The following TUBB4A variants were observed in gnomAD, a reference collection of about 807,000 sequenced individuals.
The protein encoded by TUBB4A is tubulin beta 4A class IVa.
Under a neutral mutation model 35.1 loss-of-function variants are expected in TUBB4A, and 13 were observed. That is an observed-to-expected ratio of 0.37 (90% CI 0.24 to 0.59). TUBB4A has a LOEUF of 0.59. Among genes scored for constraint, TUBB4A ranks in the 20% least tolerant of loss-of-function variants. The pLI is 0.71. For synonymous variants in TUBB4A, 279 were observed against 272.4 expected (o/e 1.02, Z -0.24); for missense variants, 299 against 647.2 (o/e 0.46, Z 5.84).
rs774284850 is a variant in TUBB4A, at chr19:6,502,274, G to A, written c.-62C>T. 827 of 1,461,064 alleles carry A rather than the reference G, an allele frequency of 5.7e-4. 11 individuals are homozygous for A. Among genetic ancestry groups the A allele is most frequent in the Non-Finnish European group, 1.1e-4 (122 of 1,112,888 alleles). 90.5% of individuals were successfully genotyped at this position (1,461,064 alleles called of 1,614,324 possible). A position where few individuals can be genotyped will look rare whatever the true frequency, so the allele number is the denominator to read the frequency against. ...ACGAGCGCGGGGAGCTGCGGCGGCG[G>A]CGAGGGTGGAAGATGCGGCGGAGAC... On this transcript the variant is annotated 5_prime_UTR_variant, in exon 1 of 4. Coordinates refer to ENST00000264071, the MANE Select transcript of TUBB4A (RefSeq NM_006087.4).
rs146906606 is a variant in TUBB4A at position 6,495,833 on chromosome 19, G to A, written c.666C>T (p.Tyr222=). 5.0e-5 allele frequency: 81 copies of A among 1,614,236 alleles called. No individual in the cohort carries two copies. The highest frequency in any genetic ancestry group is 6.4e-5 in the Non-Finnish European group (75 of 1,180,032). The part of the protein sequence containing the change: ...FRTLKLTTPT[Y]GDLNHLVSAT... ...CCGACACCAGGTGGTTGAGGTCCCC[G>A]TAGGTGGGGGTGGTCAGCTTGAGGG... The change falls in exon 4 of 4, where the codon TAC becomes TAT. Residue 222 remains tyrosine (Y), a synonymous_variant. Transcript: ENST00000264071. This position sits in a 1 kb window ranked among gnomAD's most constrained non-coding sequence, Gnocchi z 8.7.
At chr19:6,499,415 T>C (rs780682088) in intron 3 of TUBB4A, among the ~76,000 whole-genome samples, 61 of 152,092 alleles carry the variant, frequency 4.0e-4, no homozygotes, top group Non-Finnish European at 7.1e-4. Flanking sequence ...TGTGCCTCTG[T>C]TTTCTCACCT....
At chr19:6,496,257 A>T in intron 3 of TUBB4A, 36 bp from the exon 4 acceptor site, 1 of 1,570,154 alleles carries the variant, frequency 6.4e-7, no homozygotes, top group Non-Finnish European at 8.7e-7. Context: ...ACATGCAGTT[A>T]TGGGGAGCCC....
In TUBB4A at chr19:6,495,475, C is replaced by T. The variant is rs754036226; in HGVS notation, c.1024G>A (p.Val342Met). 5.0e-6 allele frequency: 8 copies of T among 1,614,216 alleles called. No individual in the cohort carries two copies. Among genetic ancestry groups the T allele is most frequent in the South Asian group, 1.1e-5 (1 of 91,090 alleles). ...SVQSKNSSYF[V>M]EWIPNNVKTA... ...TTCACGTTGTTGGGGATCCACTCCA[C>T]GAAGTAGCTGCTGTTCTTGCTCTGC... Residue 342 changes from valine to methionine, a missense_variant, in exon 4 of 4, where the codon GTG becomes ATG. Physicochemically the swap from Val to Met is conservative, Grantham distance 21. Coordinates refer to ENST00000264071, the MANE Select transcript of TUBB4A (RefSeq NM_006087.4). The surrounding 1 kb of genome is among the most constrained non-coding windows in gnomAD (Gnocchi z 8.7).
Position 6,501,480 on chromosome 19 carries a change from C to T in TUBB4A, c.166+35G>A, listed in dbSNP as rs1371227859. ...TAGCATCCTGTTCCCTCCCAGCTGC[C>T]CCTTCCCACCTGGAAGGTGCCTCCT... On this transcript the variant is annotated intron_variant, in intron 2 of 3. Transcript: ENST00000264071. The surrounding 1 kb of genome is among the most constrained non-coding windows in gnomAD (Gnocchi z 4.2). The T allele has an allele frequency of 1.2e-6, 2 of 1,604,654 alleles. No homozygotes were observed. Among genetic ancestry groups the T allele is most frequent in the Admixed American group, 1.7e-5 (1 of 59,686 alleles).
chr19:6,495,737 G>T lies in TUBB4A; in HGVS notation c.762C>A (p.Ala254=), dbSNP rs376346277. The T allele has an allele frequency of 1.9e-6, 3 of 1,614,012 alleles. No individual in the cohort carries two copies. ...GQLNADLRKL[A]VNMVPFPRLH... is the part of the protein sequence containing the mutation. The stretch of plus-strand genomic sequence containing the variant: ...GGCGAGGAAAGGGAACCATGTTGAC[G>T]GCCAGCTTGCGCAGGTCGGCGTTCA... The change falls in exon 4 of 4, where the codon GCC becomes GCA. Residue 254 remains alanine, a synonymous_variant. Transcript: ENST00000264071. This position sits in a 1 kb window ranked among gnomAD's most constrained non-coding sequence, Gnocchi z 8.7.
chr19:6,497,292 T>C (rs929087813), intron 3 of TUBB4A, among the ~76,000 whole-genome samples: 2 of 151,522 alleles, frequency 1.3e-5, no homozygotes, highest in Non-Finnish European at 2.9e-5. Flanking sequence ...GGCAGGGTCT[T>C]GGTATGTTGC....
chr19:6,497,997 G>C (rs1331833484), intron 3 of TUBB4A, among the ~76,000 whole-genome samples: 6 of 151,638 alleles, frequency 4.0e-5, no homozygotes, highest in African/African-American at 1.5e-4. Context: ...GGATAGCGAG[G>C]TCAGGAGATC....
rs1914532528 is a variant in TUBB4A at position 6,501,510 on chromosome 19, C to G, written c.166+5G>C. The G allele has an allele frequency of 1.2e-6, 2 of 1,613,290 alleles. No individual in the cohort carries two copies. The highest frequency in any genetic ancestry group is 1.7e-6 in the Non-Finnish European group (2 of 1,179,540). On this transcript the variant is annotated splice_donor_5th_base_variant and intron_variant, in intron 2 of 3. Transcript: ENST00000264071. This position sits in a 1 kb window ranked among gnomAD's most constrained non-coding sequence, Gnocchi z 4.2. ...CCCACCTGGAAGGTGCCTCCTTCGC[C>G]CTACCTGTGGCCTCGTTGTAGTACA...
In TUBB4A at chr19:6,502,174, G is replaced by T; in HGVS notation, c.39C>A (p.Gly13=). Residue 13 remains glycine (G), a synonymous_variant, in exon 1 of 4, where the codon GGC becomes GGA. Transcript: ENST00000264071. ...CGAGCACCTTGGCCCCGATCTGGTT[G>T]CCGCACTGGCCGGCCTGCAGGTGCA... ...EIVHLQAGQC[G]NQIGAKFWEV... 6.3e-7 allele frequency: 1 copy of T among 1,576,796 alleles called. No individual in the cohort carries two copies.
In TUBB4A at chr19:6,501,267, C is replaced by T; in HGVS notation, c.277+20G>A. On this transcript the variant is annotated intron_variant, in intron 3 of 3. Transcript: ENST00000264071. The surrounding 1 kb of genome is among the most constrained non-coding windows in gnomAD (Gnocchi z 4.2). ...AATAAGGAGGTTTTCCAGCCTCTGGCTCCCTGCTGGGGGACTCACCAAACA... is the reference window on the plus strand; with the variant it reads ...AATAAGGAGGTTTTCCAGCCTCTGGTTCCCTGCTGGGGGACTCACCAAACA... 6.2e-7 allele frequency: 1 copy of T among 1,605,252 alleles called. No homozygotes were observed. Among genetic ancestry groups the T allele is most frequent in the Non-Finnish European group, 8.5e-7 (1 of 1,174,046 alleles).
In TUBB4A at chr19:6,502,236, C is replaced by T; in HGVS notation, c.-24G>A. The stretch of plus-strand genomic sequence containing the variant: ...ATGGCGGTGGCGCTGAGGGTGGACG[C>T]GGCGGCGGTGGCACGAGCGCGGGGA... On this transcript the variant is annotated 5_prime_UTR_variant, in exon 1 of 4. Coordinates refer to ENST00000264071, the MANE Select transcript of TUBB4A (RefSeq NM_006087.4). 2.6e-6 allele frequency: 4 copies of T among 1,512,208 alleles called. No homozygotes were observed. Among genetic ancestry groups the T allele is most frequent in the East Asian group, 2.7e-5 (1 of 37,418 alleles). 93.7% of individuals were successfully genotyped at this position (1,512,208 alleles called of 1,614,324 possible). A position where few individuals can be genotyped will look rare whatever the true frequency, so the allele number is the denominator to read the frequency against.
chr19:6,495,155 G>A lies in TUBB4A; in HGVS notation c.*9C>T. On this transcript the variant is annotated 3_prime_UTR_variant, in exon 4 of 4. Transcript: ENST00000264071. This position sits in a 1 kb window ranked among gnomAD's most constrained non-coding sequence, Gnocchi z 8.7. ...CTCGAGGGGACAGGTGGGAAGCGAT[G>A]GGAGCAGCCTAGGCCACCTCCTCCT... 6.2e-7 allele frequency: 1 copy of A among 1,612,966 alleles called. No individual in the cohort carries two copies. Among genetic ancestry groups the A allele is most frequent in the Non-Finnish European group, 8.5e-7 (1 of 1,179,140 alleles).
rs1295074325 is a variant in TUBB4A, at chr19:6,501,101, C to T, written c.277+186G>A. On this transcript the variant is annotated intron_variant, in intron 3 of 3. Transcript: ENST00000264071. This position sits in a 1 kb window ranked among gnomAD's most constrained non-coding sequence, Gnocchi z 4.2. ...ACTTCCCTGAATCCTTCTCTGTATC[C>T]GCCCTCCTCAGGGCTCTCACAGTGG... is the stretch of plus-strand genomic sequence containing the variant. The T allele has an allele frequency of 7.1e-6, 4 of 567,360 alleles. No individual in the cohort carries two copies. Among genetic ancestry groups the T allele is most frequent in the East Asian group, 5.8e-5 (2 of 34,664 alleles). The allele number at this position is 567,360 out of a possible 1,614,324, so 35.1% of individuals were successfully genotyped here. A position where few individuals can be genotyped will look rare whatever the true frequency, so the allele number is the denominator to read the frequency against.
At chr19:6,498,293 G>A (rs575732942) in intron 3 of TUBB4A, among the ~76,000 whole-genome samples, 2 of 151,852 alleles carry the variant, frequency 1.3e-5, no homozygotes, top group South Asian at 2.1e-4. Context: ...CCCCTCATCT[G>A]TCTCCACCTT....
chr19:6,500,865 A>G (rs1254449689), intron 3 of TUBB4A: 4 of 167,472 alleles, frequency 2.4e-5, no homozygotes, highest in East Asian at 1.7e-4. Flanking sequence ...GTGGCCTATC[A>G]CCTTCTACCA....
At chr19:6,499,941 G>A (rs1424173318) in intron 3 of TUBB4A, among the ~76,000 whole-genome samples, 2 of 151,828 alleles carry the variant, frequency 1.3e-5, no homozygotes, top group East Asian at 1.9e-4. Context: ...ACAGGCATGT[G>A]CCACCATGCC....
chr19:6,496,277 ACT>A (rs1914184598), intron 3 of TUBB4A, 56 bp from the exon 4 acceptor site: 9 of 1,514,042 alleles, frequency 5.9e-6, no homozygotes, highest in African/African-American at 1.4e-5. Flanking sequence ...CCAACCCTTG[ACT>A]CTGTCTCTCC....
At chr19:6,498,455 T>A (rs1359299742) in intron 3 of TUBB4A, among the ~76,000 whole-genome samples, 3 of 152,060 alleles carry the variant, frequency 2.0e-5, no homozygotes, top group Non-Finnish European at 4.4e-5. Context: ...CTCCTCTGCC[T>A]ACAGCCCTCC....
Sources: allele counts gnomAD v4.1 joint callset (sites outside exome capture counted in the v4.1 genomes callset), GRCh38; gene constraint gnomAD v4.1.1; non-coding constraint Gnocchi (gnomAD v3.1); transcripts MANE v1.5; gene names NCBI Gene and HGNC (gene_info 2026-07-23, HGNC 2026-07-21).